The following RPA1 variants were observed in gnomAD, a reference collection of about 807,000 sequenced individuals.
RPA1 encodes replication protein A1, also known as replication protein A 70 kDa DNA-binding subunit.
In RPA1, 49 loss-of-function variants were observed where a neutral mutation model predicts 83.0. The observed-to-expected ratio is 0.59, with a 90% confidence interval of 0.47 to 0.75. The LOEUF (loss-of-function observed/expected upper bound fraction) is 0.75, where lower values mean the gene tolerates loss of function less well. Among genes scored for constraint, RPA1 ranks in the 30% least tolerant of loss-of-function variants. The probability of loss-of-function intolerance (pLI) is 0.00; values close to 1 mark genes in which losing one functional copy is unlikely to be tolerated. For missense variants in RPA1, 693 were observed against 776.1 expected, an observed-to-expected ratio of 0.89 and a Z score of 1.27; for synonymous variants, 279 against 281.8, an observed-to-expected ratio of 0.99 and a Z score of 0.10.
rs61062085 is a variant in RPA1, at chr17:1,849,289, CTTTTTTTT to C, written c.273-3798_273-3791del. Reference sequence around the variant, plus strand: ...TCCCTCCAAATTTTTGTTGGCTGTTCTTTTTTTTTTTTTTTTTTTTTGAGACGGAGTCT... The same window carrying C: ...TCCCTCCAAATTTTTGTTGGCTGTTCTTTTTTTTTTTTTGAGACGGAGTCT... On this transcript the variant is annotated intron_variant, in intron 4 of 16. Transcript: ENST00000254719. 8.0e-3 allele frequency among the ~76,000 whole-genome samples: 932 copies of C among 116,310 alleles called. 16 individuals carry two copies. The highest frequency in any genetic ancestry group is 0.03 in the African/African-American group (877 of 29,088). 76.3% of individuals were successfully genotyped at this position (116,310 alleles called of 152,430 possible). A position where few individuals can be genotyped will look rare whatever the true frequency, so the allele number is the denominator to read the frequency against.
intron 1 of RPA1, among the ~76,000 whole-genome samples, chr17:1,832,050 T>G (rs1156286640): frequency 6.6e-6 from 1 of 151,880 alleles, no homozygotes; most frequent in African/African-American, 2.4e-5. Context: ...TGCCTCTGCC[T>G]CCAGAGTAGC....
At chr17:1,853,420 C>T (rs1199458567) in intron 5 of RPA1, among the ~76,000 whole-genome samples, 3 of 152,222 alleles carry the variant, frequency 2.0e-5, no homozygotes, top group Non-Finnish European at 4.4e-5. Flanking sequence ...CGGTGGCTCA[C>T]ACCTGTAATC....
At chr17:1,854,491 A>G (rs961134496) in intron 5 of RPA1, among the ~76,000 whole-genome samples, 16 of 152,204 alleles carry the variant, frequency 1.1e-4, no homozygotes, top group African/African-American at 3.6e-4. Flanking sequence ...CTTTGAGTGC[A>G]GGAGGACGAG....
chr17:1,873,540 T>A (rs1289043935), intron 6 of RPA1, among the ~76,000 whole-genome samples: 1 of 152,192 alleles, frequency 6.6e-6, no homozygotes, highest in Non-Finnish European at 1.5e-5. Context: ...AAGATGTCAC[T>A]GATGTTTCTG....
rs1199241330 is a variant in RPA1, at chr17:1,879,204, C to T, written c.760-11C>T. On this transcript the variant is annotated splice_polypyrimidine_tract_variant and intron_variant, in intron 9 of 16. Coordinates refer to ENST00000254719, the MANE Select transcript of RPA1 (RefSeq NM_002945.5). ...GTAGTCTCAGGTTCTGTGGCTTGGC[C>T]TCCTTCGCAGGTGTATTATTTCTCG... is the stretch of plus-strand genomic sequence containing the variant. 1.2e-6 allele frequency: 2 copies of T among 1,611,950 alleles called. No individual in the cohort carries two copies.
chr17:1,877,391 T>C, intron 8 of RPA1, 77 bp downstream of exon 8: 1 of 1,253,000 alleles, frequency 8.0e-7, no homozygotes, highest in Non-Finnish European at 1.1e-6. Context: ...CGGAGGGCAG[T>C]GGGCTCGCTG....
At chr17:1,890,462 A>T (rs17292357) in intron 14 of RPA1, among the ~76,000 whole-genome samples, 4,514 of 152,256 alleles carry the variant, frequency 0.03, 106 homozygotes, top group Non-Finnish European at 0.044. Context: ...GGAGATCGAG[A>T]TCATCTTGGC....
chr17:1,882,216 T>C (rs1300936878), intron 12 of RPA1, among the ~76,000 whole-genome samples: 1 of 152,134 alleles, frequency 6.6e-6, no homozygotes, highest in East Asian at 1.9e-4. Context: ...TTCATATCAA[T>C]TGATGTGTGA....
At chr17:1,894,242 C>T (rs1404794864) in intron 15 of RPA1, among the ~76,000 whole-genome samples, 4 of 151,816 alleles carry the variant, frequency 2.6e-5, no homozygotes, top group African/African-American at 9.7e-5. Context: ...TCTCAGCTCA[C>T]TGTAGCCTCC....
chr17:1,871,604 G>A (rs1277266604), intron 5 of RPA1, among the ~76,000 whole-genome samples: 4 of 152,148 alleles, frequency 2.6e-5, no homozygotes, highest in Non-Finnish European at 5.9e-5. Flanking sequence ...AATCACTAAG[G>A]CAAAGTCAAA....
intron 14 of RPA1, among the ~76,000 whole-genome samples, chr17:1,890,357 CT>C (rs1411310500): frequency 6.6e-6 from 1 of 151,432 alleles, no homozygotes; most frequent in Admixed American, 6.6e-5. Flanking sequence ...GAGTCAGACC[CT>C]GTCTTTAAAA....
chr17:1,833,593 G>A (rs1023323145), intron 1 of RPA1, among the ~76,000 whole-genome samples: 7 of 152,134 alleles, frequency 4.6e-5, no homozygotes, highest in African/African-American at 1.7e-4. Context: ...AGTGGCTCAC[G>A]CCTGTAATCC....
chr17:1,854,028 C>T (rs1912598045), intron 5 of RPA1: 1 of 152,120 alleles, frequency 6.6e-6, no homozygotes, highest in Non-Finnish European at 1.5e-5. Flanking sequence ...CGTTGTTTTA[C>T]TGTGATTATC....
In RPA1 at chr17:1,895,003, T is replaced by C. The variant is rs760937768; in HGVS notation, c.1660-6T>C. The C allele has an allele frequency of 4.3e-6, 7 of 1,612,060 alleles. No homozygotes were observed. Among genetic ancestry groups the C allele is most frequent in the Non-Finnish European group, 5.9e-6 (7 of 1,178,726 alleles). ...CATGTGTCAAGTTTTATGTTTGTTT[T>C]TGCAGAATGAACAGGCATTTGAAGA... On this transcript the variant is annotated splice_region_variant and splice_polypyrimidine_tract_variant and intron_variant, in intron 15 of 16. Transcript: ENST00000254719.
At position 1,875,874 on chromosome 17, in the gene RPA1, T is replaced by C. The variant is rs531969482; in HGVS notation, c.587+81T>C. On this transcript the variant is annotated intron_variant, in intron 7 of 16. Transcript: ENST00000254719. ...TATGGACTCTTGAGTTATTTATGCG[T>C]GAACTTCAGGGTCACCACCAAATAC... 18 of 1,410,328 alleles carry C rather than the reference T, an allele frequency of 1.3e-5. No individual in the cohort carries two copies. In the Admixed American group the frequency reaches 4.6e-4, roughly 36 times the overall value. 87.4% of individuals were successfully genotyped at this position (1,410,328 alleles called of 1,614,324 possible).
In RPA1 at chr17:1,844,006, T is replaced by C. The variant is rs570712742; in HGVS notation, c.163+8T>C. On this transcript the variant is annotated splice_region_variant and intron_variant, in intron 3 of 16. Coordinates refer to ENST00000254719, the MANE Select transcript of RPA1 (RefSeq NM_002945.5). ...GATTGAACACTCTATCCTGTGAGTA[T>C]GGTGTATCCATCTAGAAATGTGTGA... The C allele has an allele frequency of 5.6e-6, 9 of 1,611,398 alleles. No homozygotes were observed. In the African/African-American group the frequency reaches 1.2e-4, roughly 21 times the overall value.
intron 11 of RPA1, among the ~76,000 whole-genome samples, chr17:1,880,087 G>A (rs1421058578): frequency 2.5e-5 from 3 of 119,136 alleles, no homozygotes; most frequent in East Asian, 5.5e-4. Context: ...GGGGAGGGAG[G>A]GGTCTTGTCC....
At chr17:1,857,981 C>T (rs1312634653) in intron 5 of RPA1, 3 of 1,591,152 alleles carry the variant, frequency 1.9e-6, no homozygotes, top group African/African-American at 2.7e-5. Context: ...GAATGACAAA[C>T]AGAAAGATGG....
intron 4 of RPA1, among the ~76,000 whole-genome samples, chr17:1,849,625 T>G (rs1419811136): frequency 2.0e-5 from 3 of 151,918 alleles, no homozygotes; most frequent in East Asian, 1.9e-4. Context: ...TTTGTTTTTT[T>G]TTTTTTTAAT....
Sources: gnomAD v4.1 joint callset for allele counts (sites outside exome capture counted in the v4.1 genomes callset) on GRCh38, gnomAD v4.1.1 for gene constraint, MANE v1.5 for transcripts, NCBI Gene and HGNC (gene_info 2026-07-23, HGNC 2026-07-21) for gene names.